The following SYNE2 variants were observed in gnomAD, a reference collection of about 807,000 sequenced individuals.
SYNE2 encodes spectrin repeat containing nuclear envelope protein 2.
A neutral mutation model predicts 856.3 loss-of-function variants in SYNE2; 431 were observed. The ratio of observed to expected loss-of-function variants is 0.50; its 90% CI spans 0.47 to 0.55. The LOEUF is 0.55. Among genes scored for constraint, SYNE2 ranks in the 20% least tolerant of loss-of-function variants. SYNE2 has a pLI of 0.00. For synonymous variants in SYNE2, 2,923 were observed against 2,872.3 expected (o/e 1.02, Z -0.56); for missense variants, 8,129 against 8,023.2 (o/e 1.01, Z -0.50).
intron 50 of SYNE2, 124 bp downstream of exon 50, chr14:64,063,019 C>T: frequency 9.1e-7 from 1 of 1,100,362 alleles, no homozygotes. Flanking sequence ...GTTAAATATC[C>T]ATGAATATTC....
In SYNE2 at chr14:64,126,891, C is replaced by T. The variant is rs541546598; in HGVS notation, c.13917+84C>T. On this transcript the variant is annotated intron_variant, in intron 73 of 115. Transcript: ENST00000555002. ...TAATGCCTATTCCTATTCCTGGTGA[C>T]ATTTGTTAATAAGAATTGCTAAGGG... 1.4e-5 allele frequency: 19 copies of T among 1,367,314 alleles called. No individual in the cohort carries two copies. The South Asian group carries it at 2.2e-4, about 16-fold the overall frequency. The allele number at this position is 1,367,314 out of a possible 1,614,324, so 84.7% of individuals were successfully genotyped here.
intron 12 of SYNE2, 136 bp downstream of exon 12, chr14:63,976,863 A>C: frequency 3.2e-6 from 3 of 934,144 alleles, no homozygotes; most frequent in Non-Finnish European, 4.9e-6. Flanking sequence ...TCCTCTGGGG[A>C]TTTTTGGGAC....
intron 1 of SYNE2, among the ~76,000 whole-genome samples, chr14:63,831,204 T>G (rs1889655961): frequency 1.3e-5 from 2 of 152,062 alleles, no homozygotes; most frequent in Admixed American, 1.3e-4. Context: ...TCTTTGAGTG[T>G]TTTTTCAGGA....
rs754409603 is a variant in SYNE2 at position 64,162,210 on chromosome 14, C to T, written c.16233C>T (p.Leu5411=). 6.8e-6 allele frequency: 11 copies of T among 1,614,202 alleles called. No homozygotes were observed. The highest frequency in any genetic ancestry group is 2.2e-5 in the East Asian group (1 of 44,892). ...LKQQEAKFQQ[L]ANISMSGNNL... is the part of the protein sequence containing the mutation. The stretch of plus-strand genomic sequence containing the variant: ...AGCAGGAAGCAAAGTTTCAACAGCT[C>T]GCAAACATCAGCATGTCTGGAAACA... Residue 5411 remains leucine (L), a synonymous_variant, in exon 88 of 116, where the codon CTC becomes CTT. Transcript: ENST00000555002.
intron 1 of SYNE2, among the ~76,000 whole-genome samples, chr14:63,782,870 T>C (rs947575485): frequency 1.2e-4 from 18 of 152,024 alleles, no homozygotes; most frequent in Non-Finnish European, 2.5e-4. Context: ...TAAATTGAAA[T>C]AATTAAATTT....
At chr14:63,762,435 CAAAA>C (rs71120281) in intron 1 of SYNE2, among the ~76,000 whole-genome samples, 1 of 64,172 alleles carries the variant, frequency 1.6e-5, no homozygotes, top group East Asian at 5.5e-4. Context: ...AACTCCATCT[CAAAA>C]AAAAAAAAAA....
intron 89 of SYNE2, among the ~76,000 whole-genome samples, chr14:64,164,312 A>G (rs577017232): frequency 6.6e-6 from 1 of 152,122 alleles, no homozygotes; most frequent in South Asian, 2.1e-4. Context: ...GGGTTTCACC[A>G]TGTTAGCCAG....
intron 7 of SYNE2, among the ~76,000 whole-genome samples, chr14:63,953,785 A>G (rs894487242): frequency 6.6e-6 from 1 of 152,134 alleles, no homozygotes; most frequent in African/African-American, 2.4e-5. Flanking sequence ...TGACCATTCT[A>G]CTTCTCTATG....
intron 77 of SYNE2, among the ~76,000 whole-genome samples, chr14:64,133,727 C>G (rs947372166): frequency 2.0e-5 from 3 of 152,176 alleles, no homozygotes; most frequent in Non-Finnish European, 4.4e-5. Context: ...AAGAGAAAGG[C>G]TCTCTTGTGG....
Position 64,049,467 on chromosome 14 carries a change from G to A in SYNE2, c.7378-144G>A, listed in dbSNP as rs1595136020. The A allele has an allele frequency of 2.3e-5, 9 of 385,344 alleles. 1 individual carries two copies. The highest frequency in any genetic ancestry group is 1.4e-4 in the African/African-American group (5 of 35,342). The allele number at this position is 385,344 out of a possible 1,614,324, so 23.9% of individuals were successfully genotyped here. ...AATAATAATAATAATAATTTTTAAA[G>A]GTTACAACTTTAGTTACCCTGTGTG... is the stretch of plus-strand genomic sequence containing the variant. On this transcript the variant is annotated intron_variant, in intron 46 of 115. Coordinates refer to ENST00000555002, the MANE Select transcript of SYNE2 (RefSeq NM_182914.3).
intron 51 of SYNE2, among the ~76,000 whole-genome samples, chr14:64,068,100 C>T (rs1302257036): frequency 4.6e-5 from 7 of 152,278 alleles, no homozygotes; most frequent in Middle Eastern, 3.4e-3. Flanking sequence ...AAAGCCTCTT[C>T]TAGGTGGAAA....
rs759547747 is a variant in SYNE2, at chr14:64,010,127, G to T, written c.4728+11G>T. The T allele has an allele frequency of 6.2e-7, 1 of 1,607,166 alleles. No homozygotes were observed. The highest frequency in any genetic ancestry group is 2.2e-5 in the East Asian group (1 of 44,702). On this transcript the variant is annotated intron_variant, in intron 32 of 115. Transcript: ENST00000555002. ...AAAAGGATAGCAGAGGTGAGTCCAG[G>T]TTCCATTAGAAAAAACTGCCCAGTG...
At chr14:64,203,844 G>C (rs1017821010) in intron 100 of SYNE2, among the ~76,000 whole-genome samples, 14 of 152,108 alleles carry the variant, frequency 9.2e-5, no homozygotes, top group African/African-American at 2.9e-4. Flanking sequence ...GACCGGATTG[G>C]GGGTGAACCT....
intron 45 of SYNE2, among the ~76,000 whole-genome samples, chr14:64,032,010 AC>A (rs2097041105): frequency 6.6e-6 from 1 of 152,208 alleles, no homozygotes; most frequent in Admixed American, 6.5e-5. Context: ...TCTCCCTGAC[AC>A]GCAGCTTCTC....
chr14:63,978,163 A>G, intron 13 of SYNE2, 146 bp downstream of exon 13: 1 of 687,506 alleles, frequency 1.5e-6, no homozygotes, highest in Admixed American at 2.1e-5. Flanking sequence ...TTCACGTTTT[A>G]TGTAGTAGTA....
chr14:63,875,748 C>T (rs1379038443), intron 1 of SYNE2, among the ~76,000 whole-genome samples: 1 of 152,054 alleles, frequency 6.6e-6, no homozygotes, highest in African/African-American at 2.4e-5. Context: ...TTTGAAATGC[C>T]GATATTTATA....
chr14:63,912,992 G>A (rs747697069), intron 2 of SYNE2, among the ~76,000 whole-genome samples: 15 of 152,120 alleles, frequency 9.9e-5, no homozygotes, highest in Non-Finnish European at 1.8e-4. Flanking sequence ...GGAGTGCAGT[G>A]GCATGAACAC....
In SYNE2 at chr14:64,049,647, A is replaced by G. The variant is rs778332269; in HGVS notation, c.7414A>G (p.Ile2472Val). The G allele has an allele frequency of 2.5e-6, 4 of 1,614,174 alleles. No homozygotes were observed. Among genetic ancestry groups the G allele is most frequent in the Admixed American group, 3.3e-5 (2 of 60,022 alleles). ...YTQLEAKKAAIKPLEQTECLN... is the reference protein window; with the variant it reads ...YTQLEAKKAAVKPLEQTECLN... ...CCAGTTGGAAGCAAAGAAAGCAGCC[A>G]TTAAGCCACTGGAACAAACAGAATG... The change falls in exon 47 of 116, where the codon ATT becomes GTT. Residue 2472 changes from isoleucine to valine, a missense_variant. This residue lies in a region of SYNE2 where 5,410 missense variants were observed against 5,284.8 expected (regional missense o/e 1.02). Coordinates refer to ENST00000555002, the MANE Select transcript of SYNE2 (RefSeq NM_182914.3).
At chr14:63,994,224 T>C (rs1457559641) in intron 22 of SYNE2, among the ~76,000 whole-genome samples, 1 of 152,166 alleles carries the variant, frequency 6.6e-6, no homozygotes, top group Non-Finnish European at 1.5e-5. Context: ...CTGATAAAAA[T>C]GGGGTAACAC....
Sources: allele counts gnomAD v4.1 joint callset (sites outside exome capture counted in the v4.1 genomes callset), GRCh38; gene constraint gnomAD v4.1.1; regional missense constraint gnomAD v4.1.1; transcripts MANE v1.5; gene names NCBI Gene and HGNC (gene_info 2026-07-23, HGNC 2026-07-21).